Variants in FSTL4 observed in about 807,000 individuals in gnomAD.
The protein encoded by FSTL4 is follistatin like 4.
In FSTL4, 28 loss-of-function variants were observed where a neutral mutation model predicts 78.2. The observed-to-expected ratio is 0.36, with a 90% CI of 0.27 to 0.49. The LOEUF is 0.49. FSTL4 is among the 20% of genes least tolerant of loss of function. The probability of loss-of-function intolerance (pLI) is 0.98; values close to 1 mark genes in which losing one functional copy is unlikely to be tolerated. For missense variants in FSTL4, 922 were observed against 1,084.9 expected, an observed-to-expected ratio of 0.85 and a Z score of 2.11; for synonymous variants, 422 against 440.5, an observed-to-expected ratio of 0.96 and a Z score of 0.53.
chr5:133,427,589 C>T (rs200431568), intron 3 of FSTL4: 18 of 497,890 alleles, frequency 3.6e-5, no homozygotes, highest in African/African-American at 1.6e-4. Context: ...GGGGGAAGGG[C>T]GGGAATGGCG....
At chr5:133,459,174 C>T (rs1198530745) in intron 3 of FSTL4, among the ~76,000 whole-genome samples, 1 of 152,178 alleles carries the variant, frequency 6.6e-6, no homozygotes, top group Non-Finnish European at 1.5e-5. Flanking sequence ...TTCCCCATTT[C>T]CTTGGGCCTG....
chr5:133,560,295 G>A (rs1488597042), intron 3 of FSTL4, among the ~76,000 whole-genome samples: 1 of 152,218 alleles, frequency 6.6e-6, no homozygotes, highest in African/African-American at 2.4e-5. Flanking sequence ...AGCTCAGCCA[G>A]AGGATGGGAT....
chr5:133,702,835 C>A, the FSTL4 span, among the ~76,000 whole-genome samples: 1 of 152,220 alleles, frequency 6.6e-6, no homozygotes, highest in Admixed American at 6.5e-5. Flanking sequence ...CTGGCACTCA[C>A]TGAAGAGGCA....
chr5:133,237,298 G>A (rs1248256336), intron 7 of FSTL4, among the ~76,000 whole-genome samples: 1 of 152,174 alleles, frequency 6.6e-6, no homozygotes, highest in Admixed American at 6.5e-5. Flanking sequence ...AGGAAGAGAT[G>A]GAAAAGCCCA....
chr5:133,644,346 G>A, the FSTL4 span, among the ~76,000 whole-genome samples: 24 of 152,150 alleles, frequency 1.6e-4, no homozygotes, highest in African/African-American at 5.8e-4. Flanking sequence ...TGCGGCAGGG[G>A]CAGGAACTGA....
At chr5:133,523,909 A>T (rs2112900843) in intron 3 of FSTL4, among the ~76,000 whole-genome samples, 1 of 152,368 alleles carries the variant, frequency 6.6e-6, no homozygotes, top group South Asian at 2.1e-4. Context: ...AATAAATAAG[A>T]CAATTTCCCA....
intron 3 of FSTL4, 147 bp from the exon 4 acceptor site, chr5:133,401,133 AG>A (rs987918276): frequency 2.5e-6 from 2 of 799,364 alleles, no homozygotes; most frequent in Non-Finnish European, 4.0e-6. Flanking sequence ...GGGGTCTCCT[AG>A]GGAGTCCCTG....
chr5:133,736,923 T>A, the FSTL4 span, among the ~76,000 whole-genome samples: 1 of 151,994 alleles, frequency 6.6e-6, no homozygotes, highest in African/African-American at 2.4e-5. Flanking sequence ...AACAAGGGGA[T>A]CTTTTTTAAA....
At chr5:133,275,124 C>A (rs2126852234) in intron 6 of FSTL4, among the ~76,000 whole-genome samples, 1 of 151,322 alleles carries the variant, frequency 6.6e-6, no homozygotes, top group Middle Eastern at 3.5e-3. Context: ...GTTAGCTGGG[C>A]TTGGTGGTGC....
chr5:133,206,051 T>G (rs1344094450), intron 14 of FSTL4, among the ~76,000 whole-genome samples: 1 of 152,200 alleles, frequency 6.6e-6, no homozygotes, highest in Non-Finnish European at 1.5e-5. Context: ...AGTCTACAGT[T>G]TTATTTTTTA....
intron 3 of FSTL4, among the ~76,000 whole-genome samples, chr5:133,416,329 G>C (rs1756581022): frequency 6.6e-6 from 1 of 152,142 alleles, no homozygotes; most frequent in Admixed American, 6.5e-5. Context: ...CAAATAAATG[G>C]GGACAAGAGA....
chr5:133,799,911 G>T, the FSTL4 span, among the ~76,000 whole-genome samples: 1 of 139,308 alleles, frequency 7.2e-6, no homozygotes, highest in Non-Finnish European at 1.6e-5. Flanking sequence ...AGGAGGAAAG[G>T]CACCTGGTGA....
chr5:133,426,465 A>G lies in FSTL4; in HGVS notation c.161-25479T>C, dbSNP rs1470138824. The stretch of plus-strand genomic sequence containing the variant: ...ACTCCCTAATTGGAGAATGTCATGA[A>G]GTTGGTCTCCAGACAGAGATCATTA... On this transcript the variant is annotated intron_variant, in intron 3 of 15. Transcript: ENST00000265342. This position sits in a 1 kb window ranked among gnomAD's most constrained non-coding sequence, Gnocchi z 5.0. Among the ~76,000 whole-genome samples, 1 of 152,192 alleles carries G rather than the reference A, an allele frequency of 6.6e-6. No individual in the cohort carries two copies. The highest frequency in any genetic ancestry group is 1.5e-5 in the Non-Finnish European group (1 of 68,030).
intron 3 of FSTL4, among the ~76,000 whole-genome samples, chr5:133,561,358 GA>G (rs1185432710): frequency 3.9e-5 from 6 of 152,142 alleles, no homozygotes; most frequent in African/African-American, 1.4e-4. Flanking sequence ...ATATGTCCAC[GA>G]GGCTGTGTGG....
chr5:133,497,994 C>T (rs1484001250), intron 3 of FSTL4, among the ~76,000 whole-genome samples: 3 of 152,026 alleles, frequency 2.0e-5, no homozygotes, highest in Non-Finnish European at 4.4e-5. Context: ...CGGGGTCTGT[C>T]TCCATGCATG....
chr5:133,254,326 C>G (rs1016819436), intron 6 of FSTL4, among the ~76,000 whole-genome samples: 1 of 152,200 alleles, frequency 6.6e-6, no homozygotes, highest in African/African-American at 2.4e-5. Context: ...TGCCTGAGAG[C>G]CCTGGAAAAA....
intron 6 of FSTL4, chr5:133,266,516 G>A (rs927603799): frequency 6.6e-5 from 10 of 152,324 alleles, no homozygotes; most frequent in African/African-American, 2.4e-4. Context: ...CCGTCCACAT[G>A]GGCTCGGAAA....
At chr5:133,378,714 TAAGTTATG>T (rs911627149) in intron 4 of FSTL4, among the ~76,000 whole-genome samples, 15 of 152,252 alleles carry the variant, frequency 9.9e-5, no homozygotes, top group African/African-American at 3.4e-4. Flanking sequence ...TAAATTCTGA[TAAGTTATG>T]ATGTATATGG....
At chr5:133,261,778 C>T (rs1436846011) in intron 6 of FSTL4, among the ~76,000 whole-genome samples, 1 of 152,144 alleles carries the variant, frequency 6.6e-6, no homozygotes, top group African/African-American at 2.4e-5. Flanking sequence ...ATCACTTGAG[C>T]TCAGGAGTTC....
Sources: allele counts gnomAD v4.1 joint callset (sites outside exome capture counted in the v4.1 genomes callset), GRCh38; gene constraint gnomAD v4.1.1; non-coding constraint Gnocchi (gnomAD v3.1); transcripts MANE v1.5; gene names NCBI Gene and HGNC (gene_info 2026-07-23, HGNC 2026-07-21).